CTCFL: variants seen among roughly 807,000 people sequenced by gnomAD.
CTCFL encodes CCCTC-binding factor like.
In CTCFL, 36 loss-of-function variants were observed where a neutral mutation model predicts 67.4. That is an observed-to-expected ratio of 0.53 (90% CI 0.41 to 0.71). CTCFL has a LOEUF of 0.71. Ranked by LOEUF, CTCFL falls within the 30% of genes least tolerant of loss-of-function variation. CTCFL has a pLI of 0.00. For missense variants in CTCFL, 786 were observed against 835.2 expected (o/e 0.94, Z 0.73); for synonymous variants, 324 against 302.3 (o/e 1.07, Z -0.75).
At chr20:57,514,048 T>A (rs2068736381) in intron 7 of CTCFL, among the ~76,000 whole-genome samples, 1 of 152,202 alleles carries the variant, frequency 6.6e-6, no homozygotes, top group African/African-American at 2.4e-5. Context: ...AGGCTCACCG[T>A]GGTAGATGCG....
intron 9 of CTCFL, among the ~76,000 whole-genome samples, chr20:57,505,881 G>C (rs747907577): frequency 6.6e-6 from 1 of 152,170 alleles, no homozygotes; most frequent in Non-Finnish European, 1.5e-5. Context: ...AAAAAAACTG[G>C]CAACAGGTGT....
At chr20:57,513,842 T>C (rs1392118226) in intron 7 of CTCFL, 1 of 1,288,904 alleles carries the variant, frequency 7.8e-7, no homozygotes, top group East Asian at 5.6e-5. Context: ...GAAAGAGAAA[T>C]AAGATCATGG....
At chr20:57,506,263 A>G (rs193215186) in intron 9 of CTCFL, among the ~76,000 whole-genome samples, 4 of 152,322 alleles carry the variant, frequency 2.6e-5, no homozygotes, top group Admixed American at 1.3e-4. Flanking sequence ...GGCCACCTGT[A>G]TGTCTTCTTT....
intron 5 of CTCFL, among the ~76,000 whole-genome samples, chr20:57,517,597 A>T (rs996384305): frequency 2.0e-5 from 3 of 152,092 alleles, no homozygotes; most frequent in African/African-American, 7.2e-5. Flanking sequence ...GCTTTTTTAA[A>T]AAAAGGGGCA....
At chr20:57,517,944 A>T (rs1050616422) in intron 5 of CTCFL, among the ~76,000 whole-genome samples, 7 of 152,180 alleles carry the variant, frequency 4.6e-5, no homozygotes, top group African/African-American at 4.8e-5. Flanking sequence ...ATGAGAAATA[A>T]TTTTTTTAAA....
chr20:57,513,627 G>A, intron 7 of CTCFL: 1 of 1,170,690 alleles, frequency 8.5e-7, no homozygotes, highest in Non-Finnish European at 1.1e-6. Flanking sequence ...CCACTGGACT[G>A]TGTTTTGTGA....
At chr20:57,505,958 A>C (rs1393286938) in intron 9 of CTCFL, among the ~76,000 whole-genome samples, 4 of 152,240 alleles carry the variant, frequency 2.6e-5, no homozygotes, top group Non-Finnish European at 4.4e-5. Context: ...TGTGCTTAAC[A>C]GGACTGTCTG....
At chr20:57,524,631 A>G (rs1230946576) in intron 1 of CTCFL, 1 of 1,009,098 alleles carries the variant, frequency 9.9e-7, no homozygotes, top group Non-Finnish European at 1.2e-6. Flanking sequence ...GCCAGTGCAT[A>G]TCCTGGGCCT....
chr20:57,497,113 C>G, downstream of CTCFL: 1 of 427,068 alleles, frequency 2.3e-6, no homozygotes, highest in Non-Finnish European at 3.1e-6. Context: ...TCTCCACATT[C>G]TCTCCAGACA....
In CTCFL at chr20:57,519,508, A is replaced by C. The variant is rs145567744; in HGVS notation, c.755-131T>G. 381 of 750,408 alleles carry C rather than the reference A, an allele frequency of 5.1e-4. No homozygotes were observed. In the African/African-American group the frequency reaches 6.1e-3, roughly 12 times the overall value. 46.5% of individuals were successfully genotyped at this position (750,408 alleles called of 1,614,324 possible). A position where few individuals can be genotyped will look rare whatever the true frequency, so the allele number is the denominator to read the frequency against. On this transcript the variant is annotated intron_variant, in intron 3 of 10. Coordinates refer to ENST00000243914, the MANE Select transcript of CTCFL (RefSeq NM_001386993.1). ...AATAGCACATGCTATTTATATCCAC[A>C]AGCTGATCGAAGCAATTCAGGACAC...
At chr20:57,524,547 G>A (rs963585936) in intron 1 of CTCFL, 7 of 1,087,442 alleles carry the variant, frequency 6.4e-6, no homozygotes, top group Non-Finnish European at 7.8e-6. Context: ...CCTGGGCCTA[G>A]CAAGGTTAGG....
chr20:57,501,985 T>C (rs2067940729), intron 10 of CTCFL, among the ~76,000 whole-genome samples: 1 of 152,208 alleles, frequency 6.6e-6, no homozygotes, highest in Non-Finnish European at 1.5e-5. Flanking sequence ...AAGAAGGGAC[T>C]TGCATGAGCT....
rs1006693195 is a variant in CTCFL, at chr20:57,498,198, C to T, written c.*352G>A. The T allele has an allele frequency of 1.0e-6, 1 of 1,000,576 alleles. No individual in the cohort carries two copies. The highest frequency in any genetic ancestry group is 1.2e-6 in the Non-Finnish European group (1 of 839,888). 62.0% of individuals were successfully genotyped at this position (1,000,576 alleles called of 1,614,324 possible). ...AAATCACTACTCACTCATTGTGGGCCACCTTGCCAATATCAAGTGAATGAA... is the reference window on the plus strand; with the variant it reads ...AAATCACTACTCACTCATTGTGGGCTACCTTGCCAATATCAAGTGAATGAA... On this transcript the variant is annotated 3_prime_UTR_variant, in exon 11 of 11. Coordinates refer to ENST00000243914, the MANE Select transcript of CTCFL (RefSeq NM_001386993.1).
Position 57,498,418 on chromosome 20 carries a change from G to C in CTCFL, c.*132C>G, listed in dbSNP as rs2067759316. On this transcript the variant is annotated 3_prime_UTR_variant, in exon 11 of 11. Coordinates refer to ENST00000243914, the MANE Select transcript of CTCFL (RefSeq NM_001386993.1). ...AATTTCTAACTTGCTTTAGGAATTA[G>C]GGGCAGTGAACATGCAACCTGACTC... The C allele has an allele frequency of 6.9e-7, 1 of 1,443,582 alleles. No homozygotes were observed. The highest frequency in any genetic ancestry group is 1.7e-5 in the South Asian group (1 of 58,406). 89.4% of individuals were successfully genotyped at this position (1,443,582 alleles called of 1,614,324 possible).
At chr20:57,506,865 G>C in intron 9 of CTCFL, 1 of 984,970 alleles carries the variant, frequency 1.0e-6, no homozygotes, top group Non-Finnish European at 1.2e-6. Flanking sequence ...TGTTTTGGGA[G>C]CACTGCCACA....
intron 9 of CTCFL, among the ~76,000 whole-genome samples, chr20:57,508,382 CCTT>C (rs2068338309): frequency 6.7e-6 from 1 of 148,818 alleles, no homozygotes. Context: ...GTTGGATTGT[CCTT>C]TTTTTTTTTT....
At position 57,504,095 on chromosome 20, in the gene CTCFL, G is replaced by A. The variant is rs568970620; in HGVS notation, c.1675-494C>T. 2.6e-5 allele frequency among the ~76,000 whole-genome samples: 4 copies of A among 151,970 alleles called. No homozygotes were observed. The South Asian group carries it at 8.3e-4, about 32-fold the overall frequency. On this transcript the variant is annotated intron_variant, in intron 9 of 10. Transcript: ENST00000243914. Reference sequence around the variant, plus strand: ...GGGTTCACGTCATTCTCCTGCCTCAGCCTCCCAAGTAGCTGGGACTACAGG... The same window carrying A: ...GGGTTCACGTCATTCTCCTGCCTCAACCTCCCAAGTAGCTGGGACTACAGG...
intron 7 of CTCFL, chr20:57,513,873 C>T (rs1490798243): frequency 3.9e-6 from 5 of 1,288,858 alleles, no homozygotes; most frequent in Non-Finnish European, 5.1e-6. Context: ...CCCAGGAATC[C>T]TGAAACAAAG....
At position 57,498,540 on chromosome 20, in the gene CTCFL, C is replaced by G. The variant is rs751338436; in HGVS notation, c.*10G>C. 3 of 1,607,066 alleles carry G rather than the reference C, an allele frequency of 1.9e-6. No homozygotes were observed. The Admixed American group carries it at 5.1e-5, about 27-fold the overall frequency. On this transcript the variant is annotated 3_prime_UTR_variant, in exon 11 of 11. Coordinates refer to ENST00000243914, the MANE Select transcript of CTCFL (RefSeq NM_001386993.1). ...AATTGGGGGCAGTGAACACGCAACC[C>G]GAATCCCTCTCACTTATCCATCGTG...
Sources: allele counts gnomAD v4.1 joint callset (sites outside exome capture counted in the v4.1 genomes callset), GRCh38; gene constraint gnomAD v4.1.1; transcripts MANE v1.5; gene names NCBI Gene and HGNC (gene_info 2026-07-23, HGNC 2026-07-21).